Variants in VPS53 observed in about 807,000 individuals in gnomAD.
VPS53 encodes VPS53 subunit of GARP complex.
A neutral mutation model predicts 107.0 loss-of-function variants in VPS53; 70 were observed. The observed-to-expected ratio is 0.65, with a 90% CI of 0.54 to 0.80. The LOEUF (loss-of-function observed/expected upper bound fraction) is 0.80. VPS53 is among the 30% of genes least tolerant of loss of function. VPS53 has a pLI of 0.00. For missense variants in VPS53, 917 were observed against 1,049.4 expected (o/e 0.87, Z 1.74); for synonymous variants, 409 against 393.3 (o/e 1.04, Z -0.47).
intron 7 of VPS53, among the ~76,000 whole-genome samples, chr17:647,747 C>T (rs572702982): frequency 6.6e-6 from 1 of 152,282 alleles, no homozygotes; most frequent in African/African-American, 2.4e-5. Context: ...ACTGAGCACA[C>T]GTTGCAACCT....
At chr17:570,585 GA>G (rs1170285574) in intron 13 of VPS53, among the ~76,000 whole-genome samples, 1 of 152,122 alleles carries the variant, frequency 6.6e-6, no homozygotes, top group Admixed American at 6.6e-5. Context: ...GAAAGACAAA[GA>G]AAGACTCAAT....
intron 2 of VPS53, among the ~76,000 whole-genome samples, chr17:706,515 A>G (rs1387027015): frequency 6.6e-6 from 1 of 151,412 alleles, no homozygotes; most frequent in Non-Finnish European, 1.5e-5. Flanking sequence ...CCATCCTGGC[A>G]ACAGAGTGAG....
chr17:635,940 A>G (rs936457978), intron 7 of VPS53, among the ~76,000 whole-genome samples: 2 of 152,184 alleles, frequency 1.3e-5, no homozygotes, highest in African/African-American at 4.8e-5. Context: ...GAAGAAAGTC[A>G]TTGGTAGCTT....
intron 7 of VPS53, chr17:632,762 A>G: frequency 2.2e-6 from 1 of 456,328 alleles, no homozygotes; most frequent in Non-Finnish European, 4.4e-6. Context: ...GAACATGAGG[A>G]ATCTGTCTTC....
intron 4 of VPS53, among the ~76,000 whole-genome samples, chr17:682,937 A>G (rs1972455282): frequency 6.6e-6 from 1 of 152,052 alleles, no homozygotes; most frequent in African/African-American, 2.4e-5. Context: ...TACCTGCACG[A>G]ACAGATGAAG....
intron 11 of VPS53, among the ~76,000 whole-genome samples, chr17:620,581 C>T (rs1265169579): frequency 6.6e-6 from 1 of 152,080 alleles, no homozygotes; most frequent in African/African-American, 2.4e-5. Context: ...TGATGAAGCA[C>T]AGTGACTGAC....
intron 5 of VPS53, among the ~76,000 whole-genome samples, chr17:659,190 T>C (rs1377598700): frequency 6.6e-6 from 1 of 152,212 alleles, no homozygotes; most frequent in Non-Finnish European, 1.5e-5. Flanking sequence ...CACTTGCAAC[T>C]CTGAAATCAG....
At chr17:692,232 C>T (rs145550149) in intron 4 of VPS53, among the ~76,000 whole-genome samples, 2,667 of 152,258 alleles carry the variant, frequency 0.018, 34 homozygotes, top group Middle Eastern at 0.075. Context: ...TACGTTCAAG[C>T]CATCCATTTT....
intron 4 of VPS53, among the ~76,000 whole-genome samples, chr17:662,560 G>A (rs1043121365): frequency 9.2e-5 from 14 of 151,874 alleles, no homozygotes; most frequent in African/African-American, 3.4e-4. Context: ...ACAGTGGCAC[G>A]CACCTGTAGT....
intron 12 of VPS53, among the ~76,000 whole-genome samples, chr17:588,821 C>T (rs1239421664): frequency 6.6e-6 from 1 of 152,170 alleles, no homozygotes; most frequent in African/African-American, 2.4e-5. Context: ...AGTTTTTCTG[C>T]ATTTCCATTA....
intron 8 of VPS53, among the ~76,000 whole-genome samples, chr17:630,825 T>G (rs1205179685): frequency 6.6e-6 from 1 of 152,194 alleles, no homozygotes; most frequent in East Asian, 1.9e-4. Flanking sequence ...TCAGTATATT[T>G]CTGCCTTGAA....
intron 4 of VPS53, among the ~76,000 whole-genome samples, chr17:680,391 G>C (rs998898930): frequency 6.6e-5 from 10 of 151,874 alleles, no homozygotes; most frequent in African/African-American, 2.4e-4. Context: ...TTTTTAACAT[G>C]AATCAAAATC....
intron 1 of VPS53, among the ~76,000 whole-genome samples, chr17:712,169 A>C: frequency 1.5e-5 from 2 of 132,298 alleles, no homozygotes; most frequent in African/African-American, 2.9e-5. Context: ...GTCTAGAGTG[A>C]CTTTCGCCTT....
chr17:618,234 T>C (rs1462620073), intron 11 of VPS53, among the ~76,000 whole-genome samples: 1 of 82,144 alleles, frequency 1.2e-5, no homozygotes, highest in African/African-American at 3.9e-5. Flanking sequence ...CCCGGGTAGC[T>C]GGGACTACAG....
chr17:573,272 G>A (rs2151868434), intron 13 of VPS53, among the ~76,000 whole-genome samples: 1 of 152,276 alleles, frequency 6.6e-6, no homozygotes, highest in Non-Finnish European at 1.5e-5. Flanking sequence ...AAATGCCAAG[G>A]GTAGAAGACA....
chr17:672,479 G>T (rs1335602491), intron 4 of VPS53, among the ~76,000 whole-genome samples: 1 of 152,152 alleles, frequency 6.6e-6, no homozygotes, highest in African/African-American at 2.4e-5. Flanking sequence ...GATGGAGTAG[G>T]ATATTTCAGA....
chr17:714,407 G>A (rs1597526255), intron 1 of VPS53: 1 of 574,336 alleles, frequency 1.7e-6, no homozygotes, highest in South Asian at 2.1e-5. Context: ...AGAACCCCCA[G>A]CCCTCGCCAA....
In VPS53 at chr17:630,360, T is replaced by C. The variant is rs1255761297; in HGVS notation, c.687+1190A>G. On this transcript the variant is annotated intron_variant, in intron 8 of 21. Coordinates refer to ENST00000437048, the MANE Select transcript of VPS53 (RefSeq NM_001128159.3). ...CAGCTGAGTACACGTGAGGCTAACC[T>C]TGTCCTAAGAAGAGCCCAGTGCTTC... Among the ~76,000 whole-genome samples, 3 of 151,642 alleles carry C rather than the reference T, an allele frequency of 2.0e-5. No homozygotes were observed. The East Asian group carries it at 5.8e-4, about 29-fold the overall frequency.
At chr17:693,641 G>T (rs934319852) in intron 4 of VPS53, among the ~76,000 whole-genome samples, 5 of 152,144 alleles carry the variant, frequency 3.3e-5, no homozygotes, top group African/African-American at 1.2e-4. Flanking sequence ...GGCTAAGGTG[G>T]GAGGATCACT....
Sources: allele counts gnomAD v4.1 joint callset (sites outside exome capture counted in the v4.1 genomes callset), GRCh38; gene constraint gnomAD v4.1.1; transcripts MANE v1.5; gene names NCBI Gene and HGNC (gene_info 2026-07-23, HGNC 2026-07-21).